CDH13: variants seen among roughly 807,000 people sequenced by gnomAD.
CDH13 encodes the protein cadherin-13.
Under a neutral mutation model 63.8 loss-of-function variants are expected in CDH13, and 24 were observed. The observed-to-expected ratio is 0.38, with a 90% confidence interval of 0.27 to 0.53. CDH13 has a LOEUF of 0.53. Ranked by LOEUF, CDH13 falls within the 20% of genes least tolerant of loss-of-function variation. CDH13 has a pLI of 0.85. For synonymous variants in CDH13, 503 were observed against 355.3 expected (o/e 1.42, Z -4.67); for missense variants, 1,049 against 903.1 (o/e 1.16, Z -2.07).
At chr16:83,061,911 C>T (rs913563602) in intron 3 of CDH13, among the ~76,000 whole-genome samples, 1 of 152,112 alleles carries the variant, frequency 6.6e-6, no homozygotes, top group Non-Finnish European at 1.5e-5. Flanking sequence ...GAGATGCTTA[C>T]CTGAAGGAGA....
intron 1 of CDH13, among the ~76,000 whole-genome samples, chr16:82,645,382 T>C (rs987592488): frequency 4.6e-5 from 7 of 152,218 alleles, no homozygotes; most frequent in Non-Finnish European, 1.0e-4. Flanking sequence ...TGCTTGTTTC[T>C]GAAGTGTAGT....
chr16:83,368,492 C>T lies in CDH13; in HGVS notation c.781+23486C>T, dbSNP rs376865884. Reference sequence around the variant, plus strand: ...GCCTAGTTGTTTTCCTTTTCCTAAACATTTAAAAATTAACTCATTTTCTTT... The same window carrying T: ...GCCTAGTTGTTTTCCTTTTCCTAAATATTTAAAAATTAACTCATTTTCTTT... On this transcript the variant is annotated intron_variant, in intron 6 of 13. Transcript: ENST00000567109. Among the ~76,000 whole-genome samples the T allele has an allele frequency of 3.0e-3, 456 of 152,234 alleles. 2 individuals are homozygous for T. Among genetic ancestry groups the T allele is most frequent in the African/African-American group, 0.01 (434 of 41,542 alleles).
intron 3 of CDH13, among the ~76,000 whole-genome samples, 165 bp from the exon 4 acceptor site, chr16:83,125,220 A>G (rs1437752098): frequency 6.6e-6 from 1 of 152,212 alleles, no homozygotes; most frequent in Non-Finnish European, 1.5e-5. Flanking sequence ...CAGCTTTAGT[A>G]TTATTCTAGT....
intron 5 of CDH13, among the ~76,000 whole-genome samples, chr16:83,323,591 C>T (rs1039404240): frequency 6.6e-6 from 1 of 152,028 alleles, no homozygotes; most frequent in African/African-American, 2.4e-5. Context: ...AAAGACCTCT[C>T]TACCTTAAAC....
chr16:83,286,744 C>A (rs147505835), intron 5 of CDH13, among the ~76,000 whole-genome samples: 2,826 of 130,792 alleles, frequency 0.022, 97 homozygotes, highest in African/African-American at 0.07. Flanking sequence ...CAACAAAGTG[C>A]GACTCTGTCT....
intron 3 of CDH13, among the ~76,000 whole-genome samples, chr16:83,119,025 G>C (rs971573037): frequency 5.3e-5 from 8 of 152,098 alleles, no homozygotes; most frequent in Non-Finnish European, 7.4e-5. Context: ...AGTCCTCACT[G>C]TCCATGTAAT....
At chr16:83,232,567 A>AAAAG in intron 5 of CDH13, among the ~76,000 whole-genome samples, 1 of 150,888 alleles carries the variant, frequency 6.6e-6, no homozygotes, top group Non-Finnish European at 1.5e-5. Flanking sequence ...AAAAAAAAAA[A>AAAAG]GTGTGGCACC....
At chr16:83,389,183 A>G (rs1000162793) in intron 6 of CDH13, among the ~76,000 whole-genome samples, 4 of 152,260 alleles carry the variant, frequency 2.6e-5, no homozygotes, top group East Asian at 3.8e-4. Flanking sequence ...TTAAAGAAAC[A>G]TAATTTACAA....
At chr16:82,856,211 C>G (rs986354702) in intron 1 of CDH13, among the ~76,000 whole-genome samples, 1 of 151,504 alleles carries the variant, frequency 6.6e-6, no homozygotes, top group African/African-American at 2.4e-5. Flanking sequence ...CCCGTCTCTA[C>G]TAAAAATAGA....
intron 3 of CDH13, among the ~76,000 whole-genome samples, chr16:83,035,812 T>C (rs573224430): frequency 1.3e-5 from 2 of 152,344 alleles, no homozygotes; most frequent in African/African-American, 4.8e-5. Flanking sequence ...AACATAGGGA[T>C]AATAGACTTG....
At chr16:83,361,086 C>T (rs776609054) in intron 6 of CDH13, among the ~76,000 whole-genome samples, 1 of 152,188 alleles carries the variant, frequency 6.6e-6, no homozygotes, top group South Asian at 2.1e-4. Context: ...TCTCCACAGC[C>T]TCATCAGCAT....
chr16:82,813,406 ACT>A (rs1202875968), intron 1 of CDH13, among the ~76,000 whole-genome samples: 10 of 151,958 alleles, frequency 6.6e-5, no homozygotes, highest in African/African-American at 2.4e-4. Context: ...GTGTTGCATG[ACT>A]CTCAAGATGC....
chr16:83,560,511 GC>G (rs2075684245), intron 7 of CDH13, among the ~76,000 whole-genome samples: 1 of 152,170 alleles, frequency 6.6e-6, no homozygotes, highest in South Asian at 2.1e-4. Context: ...GGTTGCAGGG[GC>G]TTGGGGGAGG....
intron 1 of CDH13, among the ~76,000 whole-genome samples, chr16:82,856,958 AC>A (rs2039727638): frequency 6.6e-6 from 1 of 152,082 alleles, no homozygotes; most frequent in Non-Finnish European, 1.5e-5. Context: ...TTGGTTAAGG[AC>A]CACTCCCAGG....
intron 3 of CDH13, among the ~76,000 whole-genome samples, chr16:83,065,636 C>T (rs1047751729): frequency 6.7e-6 from 1 of 149,552 alleles, no homozygotes; most frequent in Admixed American, 6.7e-5. Flanking sequence ...GCCCAGGGGG[C>T]AGAGGTTGCA....
At chr16:83,602,385 C>T (rs8182124) in intron 7 of CDH13, 69 bp from the exon 8 acceptor site, 14 of 1,536,704 alleles carry the variant, frequency 9.1e-6, no homozygotes, top group Non-Finnish European at 1.1e-5. Flanking sequence ...AGCAACACGC[C>T]TGCCACCTTT....
At chr16:83,451,334 C>T (rs1363402824) in intron 6 of CDH13, among the ~76,000 whole-genome samples, 2 of 152,084 alleles carry the variant, frequency 1.3e-5, no homozygotes, top group Non-Finnish European at 2.9e-5. Context: ...GGAAACTCCC[C>T]TTTATAAAAC....
At chr16:83,670,389 CTCCCCTCCATG>C in intron 8 of CDH13, among the ~76,000 whole-genome samples, 1 of 130,800 alleles carries the variant, frequency 7.6e-6, no homozygotes, top group African/African-American at 3.5e-5. Context: ...CACCAGGTTG[CTCCCCTCCATG>C]TGGTGACTCA....
chr16:83,156,411 A>G (rs1230534222), intron 4 of CDH13, among the ~76,000 whole-genome samples: 2 of 152,172 alleles, frequency 1.3e-5, no homozygotes, highest in Non-Finnish European at 2.9e-5. Context: ...GCATTGTGCC[A>G]TATCCATGGC....
Sources: gnomAD v4.1 joint callset for allele counts (sites outside exome capture counted in the v4.1 genomes callset) on GRCh38, gnomAD v4.1.1 for gene constraint, MANE v1.5 for transcripts, NCBI Gene and HGNC (gene_info 2026-07-23, HGNC 2026-07-21) for gene names.